CADM2: variants seen among roughly 807,000 people sequenced by gnomAD.
CADM2 encodes the protein cell adhesion molecule 2, also known as immunoglobulin superfamily member 4D.
CADM2 carries 12 observed loss-of-function variants against 49.8 expected under a neutral mutation model. That is an observed-to-expected ratio of 0.24 (90% CI 0.15 to 0.39). The LOEUF is 0.39. CADM2 is among the 10% of genes least tolerant of loss of function. The pLI, the probability that CADM2 is intolerant of heterozygous loss-of-function variation, is 1.00. For synonymous variants in CADM2, 214 were observed against 175.4 expected (o/e 1.22, Z -1.74); for missense variants, 378 against 492.3 (o/e 0.77, Z 2.20).
At chr3:85,700,449 C>T (rs1344969583) in intron 1 of CADM2, among the ~76,000 whole-genome samples, 2 of 152,090 alleles carry the variant, frequency 1.3e-5, no homozygotes, top group Non-Finnish European at 2.9e-5. Context: ...CAAAATTGTA[C>T]ATTCTGCATA....
At chr3:85,129,546 A>C (rs776110857) in intron 1 of CADM2, among the ~76,000 whole-genome samples, 53 of 152,176 alleles carry the variant, frequency 3.5e-4, no homozygotes, top group Non-Finnish European at 6.2e-4. Context: ...ATTGGAAATC[A>C]CTTATTTAAT....
intron 1 of CADM2, among the ~76,000 whole-genome samples, chr3:85,088,144 A>G (rs1170270723): frequency 1.3e-5 from 2 of 152,168 alleles, no homozygotes; most frequent in African/African-American, 2.4e-5. Flanking sequence ...AGCTTTGTCT[A>G]TAGATTCTAT....
At chr3:84,997,201 C>T (rs896149866) in intron 1 of CADM2, among the ~76,000 whole-genome samples, 4 of 152,078 alleles carry the variant, frequency 2.6e-5, no homozygotes, top group African/African-American at 9.7e-5. Context: ...GAATGGATTT[C>T]CACATCTTGT....
chr3:85,220,907 G>A (rs1387361586), intron 1 of CADM2, among the ~76,000 whole-genome samples: 8 of 152,104 alleles, frequency 5.3e-5, no homozygotes, highest in African/African-American at 1.9e-4. Context: ...AAATCAATGG[G>A]TAAGTTATTT....
At chr3:85,989,227 T>G (rs1728474399) in intron 8 of CADM2, among the ~76,000 whole-genome samples, 1 of 152,176 alleles carries the variant, frequency 6.6e-6, no homozygotes, top group East Asian at 1.9e-4. Flanking sequence ...TTTTGGAAAC[T>G]AATAAAGTAG....
chr3:85,296,422 A>C (rs1576304875), intron 1 of CADM2, among the ~76,000 whole-genome samples: 1 of 148,600 alleles, frequency 6.7e-6, no homozygotes, highest in Non-Finnish European at 1.5e-5. Context: ...TAAAGTAAAC[A>C]ATTTTTTTTT....
intron 1 of CADM2, among the ~76,000 whole-genome samples, chr3:85,059,457 T>C (rs989465781): frequency 3.3e-5 from 5 of 152,184 alleles, no homozygotes; most frequent in African/African-American, 1.2e-4. Flanking sequence ...TAATGATAAC[T>C]GACACTAAGA....
At chr3:85,808,721 T>A (rs549556625) in intron 3 of CADM2, among the ~76,000 whole-genome samples, 4 of 152,322 alleles carry the variant, frequency 2.6e-5, no homozygotes, top group Admixed American at 2.6e-4. Flanking sequence ...CTTTTAAATT[T>A]TTTTAATAAT....
chr3:85,304,470 G>A (rs926101176), intron 1 of CADM2, among the ~76,000 whole-genome samples: 4 of 151,652 alleles, frequency 2.6e-5, no homozygotes, highest in African/African-American at 9.7e-5. Flanking sequence ...AACTGACACT[G>A]CCAGCTCCAC....
In CADM2 at chr3:86,071,218, T is replaced by C. The variant is rs1244740390; in HGVS notation, c.*4435T>C. Reference sequence around the variant, plus strand: ...GAAATGTGTGCATGTTTTCATAGATTGTAGCAAGTACAAATGTATTCAATG... The same window carrying C: ...GAAATGTGTGCATGTTTTCATAGATCGTAGCAAGTACAAATGTATTCAATG... On this transcript the variant is annotated 3_prime_UTR_variant, in exon 10 of 10. Coordinates refer to ENST00000383699, the MANE Select transcript of CADM2 (RefSeq NM_001167675.2). The C allele has an allele frequency of 6.6e-6, 1 of 151,956 alleles. No individual in the cohort carries two copies. The highest frequency in any genetic ancestry group is 2.4e-5 in the African/African-American group (1 of 41,436). The allele number at this position is 151,956 out of a possible 1,614,324, so 9.4% of individuals were successfully genotyped here. A position where few individuals can be genotyped will look rare whatever the true frequency, so the allele number is the denominator to read the frequency against.
chr3:85,633,771 T>C (rs2064379979), intron 1 of CADM2, among the ~76,000 whole-genome samples: 1 of 152,012 alleles, frequency 6.6e-6, no homozygotes, highest in South Asian at 2.1e-4. Context: ...AATATTCCTT[T>C]CAAAGAAAGA....
chr3:86,026,670 CCT>C (rs1183042495), intron 8 of CADM2, among the ~76,000 whole-genome samples: 1 of 152,122 alleles, frequency 6.6e-6, no homozygotes, highest in Non-Finnish European at 1.5e-5. Context: ...CTCTGAAATG[CCT>C]CTTTCATTCT....
At chr3:85,233,422 G>A (rs2042342974) in intron 1 of CADM2, among the ~76,000 whole-genome samples, 2 of 152,052 alleles carry the variant, frequency 1.3e-5, no homozygotes, top group Non-Finnish European at 2.9e-5. Context: ...CTCATCCATC[G>A]TAACTCATGT....
intron 1 of CADM2, among the ~76,000 whole-genome samples, chr3:85,563,425 T>A (rs958193283): frequency 3.4e-5 from 5 of 145,812 alleles, no homozygotes; most frequent in Non-Finnish European, 6.1e-5. Context: ...GGGGTGGTAA[T>A]TTAGCTAAAA....
intron 1 of CADM2, among the ~76,000 whole-genome samples, chr3:85,658,344 A>G: frequency 6.6e-6 from 1 of 151,920 alleles, no homozygotes; most frequent in East Asian, 2.0e-4. Flanking sequence ...GTTTTTCTTC[A>G]CTTCATTCAG....
intron 3 of CADM2, among the ~76,000 whole-genome samples, chr3:85,868,386 TACAAA>T (rs2075798987): frequency 6.6e-6 from 1 of 152,100 alleles, no homozygotes; most frequent in Non-Finnish European, 1.5e-5. Flanking sequence ...GTTTTCTTCA[TACAAA>T]TTTTGGTTAA....
intron 1 of CADM2, among the ~76,000 whole-genome samples, chr3:85,659,083 T>TAATAATAATAATAAC (rs1253912561): frequency 1.3e-4 from 19 of 148,922 alleles, no homozygotes; most frequent in Non-Finnish European, 1.5e-4. Context: ...ATAATAATAA[T>TAATAATAATAATAAC]AACAATAAAT....
At chr3:85,733,792 C>T (rs568081029) in intron 2 of CADM2, among the ~76,000 whole-genome samples, 1 of 152,188 alleles carries the variant, frequency 6.6e-6, no homozygotes, top group East Asian at 1.9e-4. Context: ...TCTGTCTAAA[C>T]ACATCTCATC....
intron 4 of CADM2, 54 bp downstream of exon 4, chr3:85,883,497 G>A (rs1363073898): frequency 1.4e-6 from 2 of 1,427,614 alleles, no homozygotes; most frequent in Non-Finnish European, 1.9e-6. Context: ...GATATATATT[G>A]CTACAGCAAC....
Sources: allele counts gnomAD v4.1 joint callset (sites outside exome capture counted in the v4.1 genomes callset), GRCh38; gene constraint gnomAD v4.1.1; transcripts MANE v1.5; gene names NCBI Gene and HGNC (gene_info 2026-07-23, HGNC 2026-07-21).